Variants in FAT1 observed in about 807,000 individuals in gnomAD.
FAT1 encodes FAT atypical cadherin 1.
In FAT1, 171 loss-of-function variants were observed where a neutral mutation model predicts 329.8. The ratio of observed to expected loss-of-function variants is 0.52; its 90% CI spans 0.46 to 0.59. FAT1 has a LOEUF of 0.59. Ranked by LOEUF, FAT1 falls within the 20% of genes least tolerant of loss-of-function variation. The pLI, the probability that FAT1 is intolerant of heterozygous loss-of-function variation, is 0.00. For synonymous variants in FAT1, 2,233 were observed against 2,228.6 expected, an observed-to-expected ratio of 1.00 and a Z score of -0.06; for missense variants, 5,672 against 5,774.4, an observed-to-expected ratio of 0.98 and a Z score of 0.57.
Position 186,589,214 on chromosome 4 carries a change from T to C in FAT1, c.13145A>G (p.His4382Arg), listed in dbSNP as rs754421768. The change falls in exon 27 of 27, where the codon CAC becomes CGC. Residue 4382 changes from histidine to arginine, a missense_variant. Transcript: ENST00000441802. ...QSESCDDNGY[H>R]WDTSDWMPSV... ...TGGCATCCAATCTGATGTATCCCAG[T>C]GATACCCTTGGTGGAAAAGAAAACA... The C allele has an allele frequency of 6.2e-7, 1 of 1,603,814 alleles. No homozygotes were observed. The highest frequency in any genetic ancestry group is 1.3e-5 in the African/African-American group (1 of 74,642).
intron 26 of FAT1, among the ~76,000 whole-genome samples, chr4:186,594,340 C>G (rs1466345188): frequency 6.6e-6 from 1 of 151,910 alleles, no homozygotes. Context: ...GGATTACAGG[C>G]GTGAGCCACT....
At chr4:186,672,167 A>T (rs568331842) in intron 2 of FAT1, among the ~76,000 whole-genome samples, 9 of 152,324 alleles carry the variant, frequency 5.9e-5, no homozygotes, top group Middle Eastern at 3.4e-3. Context: ...AAGTTCTAGT[A>T]CTTTTAAAAA....
At chr4:186,694,476 G>A (rs569796680) in intron 2 of FAT1, among the ~76,000 whole-genome samples, 1 of 152,294 alleles carries the variant, frequency 6.6e-6, no homozygotes, top group Admixed American at 6.5e-5. Context: ...AAGAACAAAT[G>A]AGTTTTTAAA....
chr4:186,681,077 GA>G (rs1422055435), intron 2 of FAT1, among the ~76,000 whole-genome samples: 1 of 152,138 alleles, frequency 6.6e-6, no homozygotes, highest in East Asian at 1.9e-4. Flanking sequence ...AATTATTTCG[GA>G]ATTGGAGAGG....
Position 186,628,361 on chromosome 4 carries a change from G to T in FAT1, c.4603C>A (p.Arg1535=). ...CGTTTTACAGGCACATCTTGATCTCGTACCTAAAAAGAATTGACACATTAT... is the reference window on the plus strand; with the variant it reads ...CGTTTTACAGGCACATCTTGATCTCTTACCTAAAAAGAATTGACACATTAT... ...VHQHTLTVMV[R]DQDVPVKRNF... is the part of the protein sequence containing the mutation. Residue 1535 remains arginine, a synonymous_variant, in exon 9 of 27, where the codon CGA becomes AGA. Transcript: ENST00000441802. 6.2e-7 allele frequency: 1 copy of T among 1,611,974 alleles called. No individual in the cohort carries two copies. The highest frequency in any genetic ancestry group is 8.5e-7 in the Non-Finnish European group (1 of 1,178,790).
intron 26 of FAT1, among the ~76,000 whole-genome samples, chr4:186,589,520 T>C (rs1024727847): frequency 2.0e-5 from 3 of 152,170 alleles, no homozygotes; most frequent in African/African-American, 7.2e-5. Flanking sequence ...CTAAATTATA[T>C]ACATTTTTCT....
In FAT1 at chr4:186,604,411, C is replaced by T. The variant is rs776786103; in HGVS notation, c.10514G>A (p.Arg3505Lys). Reference protein sequence around the residue: ...GVLLTSSAIKRKEKDHYLLQV... With the variant: ...GVLLTSSAIKKKEKDHYLLQV... ...CAGTAAGTAATGATCTTTCTCCTTC[C>T]TCTTGATGGCAGATGATGTCAGGAG... The change falls in exon 18 of 27, where the codon AGG becomes AAG. Residue 3505 changes from arginine (R) to lysine (K), a missense_variant. This residue lies in a region of FAT1 where 1,706 missense variants were observed against 1,859.1 expected (regional missense o/e 0.92). Coordinates refer to ENST00000441802, the MANE Select transcript of FAT1 (RefSeq NM_005245.4). 1 of 1,613,660 alleles carries T rather than the reference C, an allele frequency of 6.2e-7. No individual in the cohort carries two copies.
intron 9 of FAT1, among the ~76,000 whole-genome samples, chr4:186,622,939 T>A (rs1192287735): frequency 1.3e-5 from 2 of 152,240 alleles, no homozygotes; most frequent in African/African-American, 4.8e-5. Context: ...GAGTGTGGCA[T>A]TTCACAGACC....
chr4:186,689,884 A>C (rs1028383515), intron 2 of FAT1, among the ~76,000 whole-genome samples: 1 of 152,156 alleles, frequency 6.6e-6, no homozygotes, highest in Non-Finnish European at 1.5e-5. Context: ...TTAACACACC[A>C]TGTGACTCTT....
At chr4:186,639,156 T>A (rs1234155726) in intron 4 of FAT1, among the ~76,000 whole-genome samples, 1 of 152,234 alleles carries the variant, frequency 6.6e-6, no homozygotes, top group Non-Finnish European at 1.5e-5. Flanking sequence ...ATTAGAACTT[T>A]CTAGAAGAGC....
At chr4:186,699,768 G>A (rs757876240) in intron 2 of FAT1, among the ~76,000 whole-genome samples, 2 of 149,018 alleles carry the variant, frequency 1.3e-5, no homozygotes, top group Admixed American at 6.7e-5. Flanking sequence ...AAATAAAAAC[G>A]TGACAAATCC....
At chr4:186,615,414 G>A (rs1226414560) in intron 11 of FAT1, among the ~76,000 whole-genome samples, 1 of 152,010 alleles carries the variant, frequency 6.6e-6, no homozygotes, top group Non-Finnish European at 1.5e-5. Context: ...CCTGTGGTGG[G>A]TTCCAACTCC....
rs1233767276 is a variant in FAT1 at position 186,711,019 on chromosome 4, C to T, written c.-18-1174G>A. Among the ~76,000 whole-genome samples the T allele has an allele frequency of 3.9e-5, 6 of 152,210 alleles. No homozygotes were observed. The South Asian group carries it at 1.0e-3, about 26-fold the overall frequency. On this transcript the variant is annotated intron_variant, in intron 1 of 26. Transcript: ENST00000441802. ...AACAAATTCATCTTGTAAATCAACA[C>T]AGCTTCACAAAGGACAGCACTGTCA...
At chr4:186,717,605 A>G (rs1745275981) in intron 1 of FAT1, among the ~76,000 whole-genome samples, 1 of 152,174 alleles carries the variant, frequency 6.6e-6, no homozygotes, top group Non-Finnish European at 1.5e-5. Context: ...AGATTCCTGA[A>G]GTGTTCCTGC....
At chr4:186,611,827 C>CTT (rs753961493) in intron 13 of FAT1, 52 bp from the exon 14 acceptor site, 1,651 of 1,160,336 alleles carry the variant, frequency 1.4e-3, no homozygotes, top group Non-Finnish European at 1.6e-3. Context: ...AAGTTTAACA[C>CTT]TTTTTTTTTT....
chr4:186,588,430 A>G lies in FAT1; in HGVS notation c.*162T>C, dbSNP rs183090437. 246 of 777,668 alleles carry G rather than the reference A, an allele frequency of 3.2e-4. 2 individuals are homozygous for G. In the African/African-American group the frequency reaches 3.8e-3, roughly 12 times the overall value. The allele number at this position is 777,668 out of a possible 1,614,324, so 48.2% of individuals were successfully genotyped here. A position where few individuals can be genotyped will look rare whatever the true frequency, so the allele number is the denominator to read the frequency against. Reference sequence around the variant, plus strand: ...AAACCTCACGATGACAGTAGTTGGGACACTGGAAATGGCTAGCACGTCCAG... The same window carrying G: ...AAACCTCACGATGACAGTAGTTGGGGCACTGGAAATGGCTAGCACGTCCAG... On this transcript the variant is annotated 3_prime_UTR_variant, in exon 27 of 27. Coordinates refer to ENST00000441802, the MANE Select transcript of FAT1 (RefSeq NM_005245.4).
At chr4:186,664,831 CTAGAATCACTGAAGTTT>C (rs1190460418) in intron 2 of FAT1, among the ~76,000 whole-genome samples, 2 of 152,114 alleles carry the variant, frequency 1.3e-5, no homozygotes, top group Non-Finnish European at 2.9e-5. Flanking sequence ...TGCTGAAGCT[CTAGAATCACTGAAGTTT>C]CCCGTTAAAC....
intron 14 of FAT1, among the ~76,000 whole-genome samples, chr4:186,610,254 C>T (rs888944113): frequency 3.5e-4 from 53 of 151,924 alleles, no homozygotes; most frequent in Non-Finnish European, 5.7e-4. Context: ...ATTGCTTTTC[C>T]AGTCAACACC....
At chr4:186,704,036 A>G (rs1045410847) in intron 2 of FAT1, among the ~76,000 whole-genome samples, 3 of 152,250 alleles carry the variant, frequency 2.0e-5, no homozygotes. Context: ...TACGAGGTCC[A>G]ATGTGTAAAT....
Sources: allele counts gnomAD v4.1 joint callset (sites outside exome capture counted in the v4.1 genomes callset), GRCh38; gene constraint gnomAD v4.1.1; regional missense constraint gnomAD v4.1.1; transcripts MANE v1.5; gene names NCBI Gene and HGNC (gene_info 2026-07-23, HGNC 2026-07-21).